The following DLG2 variants were observed in gnomAD, a reference collection of about 807,000 sequenced individuals.
DLG2 encodes the protein discs large MAGUK scaffold protein 2, also known as disks large homolog 2.
In DLG2, 45 loss-of-function variants were observed where a neutral mutation model predicts 132.5. The ratio of observed to expected loss-of-function variants is 0.34; its 90% confidence interval spans 0.27 to 0.44. DLG2 has a LOEUF of 0.44. DLG2 is among the 20% of genes least tolerant of loss of function. The pLI is 1.00. For missense variants in DLG2, 1,045 were observed against 1,196.9 expected (o/e 0.87, Z 1.87); for synonymous variants, 424 against 419.6 (o/e 1.01, Z -0.13).
chr11:85,542,948 T>C (rs931158626), intron 3 of DLG2, among the ~76,000 whole-genome samples: 1 of 152,238 alleles, frequency 6.6e-6, no homozygotes, highest in Non-Finnish European at 1.5e-5. Flanking sequence ...TTACTATTTC[T>C]AGGTAATACT....
chr11:84,992,542 C>T (rs1400186294), intron 6 of DLG2, among the ~76,000 whole-genome samples: 1 of 152,160 alleles, frequency 6.6e-6, no homozygotes, highest in African/African-American at 2.4e-5. Flanking sequence ...AAAAGTGGCA[C>T]TTCATCAGCA....
chr11:85,519,537 C>T (rs545279402), intron 3 of DLG2, among the ~76,000 whole-genome samples: 65 of 152,266 alleles, frequency 4.3e-4, no homozygotes, highest in African/African-American at 1.6e-3. Context: ...AACTAGCTTG[C>T]TTTTGATTTT....
In DLG2 at chr11:85,588,413, C is replaced by T. The variant is rs368571796; in HGVS notation, c.40+10244G>A. Among the ~76,000 whole-genome samples, 4 of 152,062 alleles carry T rather than the reference C, an allele frequency of 2.6e-5. 1 individual carries two copies. The highest frequency in any genetic ancestry group is 1.3e-4 in the Admixed American group (2 of 15,260). On this transcript the variant is annotated intron_variant, in intron 3 of 27. Coordinates refer to ENST00000376104, the MANE Select transcript of DLG2 (RefSeq NM_001142699.3). ...TTGTCTTTTTTGGATTAGGTTACTT[C>T]GAAAGCCTTGTCTTCAAGCTCTGAC...
intron 7 of DLG2, among the ~76,000 whole-genome samples, chr11:84,512,805 C>A (rs1591283935): frequency 6.6e-6 from 1 of 151,984 alleles, no homozygotes; most frequent in East Asian, 1.9e-4. Context: ...TACTACACAG[C>A]CATAAAAAAG....
intron 21 of DLG2, among the ~76,000 whole-genome samples, chr11:83,528,857 A>G (rs1243398435): frequency 6.6e-6 from 1 of 152,260 alleles, no homozygotes; most frequent in Non-Finnish European, 1.5e-5. Flanking sequence ...GGTGTTTTGC[A>G]GCACTCGGTG....
chr11:83,526,867 A>G (rs1486898264), intron 21 of DLG2, among the ~76,000 whole-genome samples: 1 of 152,082 alleles, frequency 6.6e-6, no homozygotes, highest in Non-Finnish European at 1.5e-5. Flanking sequence ...CTGCACTGAA[A>G]ACGTGTTTTC....
chr11:84,472,323 A>G (rs2099110600), intron 7 of DLG2, among the ~76,000 whole-genome samples: 1 of 151,950 alleles, frequency 6.6e-6, no homozygotes, highest in Admixed American at 6.6e-5. Context: ...AATGCTTTTC[A>G]AGTTCACATG....
At chr11:83,658,350 TGA>T (rs2073300687) in intron 18 of DLG2, among the ~76,000 whole-genome samples, 2 of 152,196 alleles carry the variant, frequency 1.3e-5, no homozygotes, top group Admixed American at 6.5e-5. Flanking sequence ...AACAGATAGA[TGA>T]GAGAAGAAAA....
chr11:83,961,778 G>C (rs1316249090), intron 14 of DLG2, among the ~76,000 whole-genome samples: 1 of 151,988 alleles, frequency 6.6e-6, no homozygotes, highest in Non-Finnish European at 1.5e-5. Flanking sequence ...TCCTTAGAGA[G>C]CCGTGAGGAT....
intron 6 of DLG2, among the ~76,000 whole-genome samples, chr11:85,014,092 C>G (rs1001292106): frequency 6.6e-6 from 1 of 152,052 alleles, no homozygotes; most frequent in African/African-American, 2.4e-5. Flanking sequence ...ACAAGGATAT[C>G]AACAATAAAA....
In DLG2 at chr11:85,291,670, C is replaced by T. The variant is rs188622784; in HGVS notation, c.41-6305G>A. On this transcript the variant is annotated intron_variant, in intron 3 of 27. Transcript: ENST00000376104. ...TGCAATCTCGGCTCACTGCAATCTC[C>T]GCCTCCAGGGTTCAAGCGATTATCC... 5.1e-4 allele frequency among the ~76,000 whole-genome samples: 77 copies of T among 150,728 alleles called. 1 individual carries two copies. The highest frequency in any genetic ancestry group is 1.4e-3 in the African/African-American group (59 of 41,072).
chr11:85,025,630 G>A (rs537407519), intron 6 of DLG2, among the ~76,000 whole-genome samples: 93 of 152,192 alleles, frequency 6.1e-4, no homozygotes, highest in Non-Finnish European at 1.1e-3. Flanking sequence ...AATTAGAATT[G>A]CAAAAAATGT....
At position 84,517,694 on chromosome 11, in the gene DLG2, C is replaced by T. The variant is rs1296226100; in HGVS notation, c.519+16876G>A. Among the ~76,000 whole-genome samples, 3 of 152,112 alleles carry T rather than the reference C, an allele frequency of 2.0e-5. No homozygotes were observed. The East Asian group carries it at 5.8e-4, about 29-fold the overall frequency. ...AGTCAGTATGTTGAAGATATAGCTG[C>T]ACTCCCATGTATGTTGCAGCCTTAT... On this transcript the variant is annotated intron_variant, in intron 7 of 27. Coordinates refer to ENST00000376104, the MANE Select transcript of DLG2 (RefSeq NM_001142699.3).
At chr11:85,375,158 A>C (rs1365336775) in intron 3 of DLG2, among the ~76,000 whole-genome samples, 1 of 151,134 alleles carries the variant, frequency 6.6e-6, no homozygotes, top group Non-Finnish European at 1.5e-5. Context: ...CTCTAGTTGT[A>C]ATGATACTGG....
chr11:85,517,744 C>T (rs962456708), intron 3 of DLG2, among the ~76,000 whole-genome samples: 2 of 152,082 alleles, frequency 1.3e-5, no homozygotes, highest in African/African-American at 4.8e-5. Context: ...GTACTACAGG[C>T]ACATGCCACC....
At chr11:85,360,499 C>G (rs1489325419) in intron 3 of DLG2, among the ~76,000 whole-genome samples, 1 of 152,126 alleles carries the variant, frequency 6.6e-6, no homozygotes, top group Non-Finnish European at 1.5e-5. Context: ...CTTCTACAAC[C>G]CAGTTCATCC....
At chr11:84,442,883 G>C (rs1009618473) in intron 7 of DLG2, among the ~76,000 whole-genome samples, 1 of 151,998 alleles carries the variant, frequency 6.6e-6, no homozygotes, top group African/African-American at 2.4e-5. Context: ...AAAAAGCAAA[G>C]CAAAGGAATA....
chr11:84,435,843 T>C (rs1426705696), intron 7 of DLG2, among the ~76,000 whole-genome samples: 1 of 152,096 alleles, frequency 6.6e-6, no homozygotes, highest in Admixed American at 6.5e-5. Flanking sequence ...TTGAAATAAG[T>C]GCTTCTGGGA....
intron 7 of DLG2, among the ~76,000 whole-genome samples, chr11:84,452,140 G>T (rs1438828109): frequency 6.6e-6 from 1 of 151,338 alleles, no homozygotes; most frequent in Non-Finnish European, 1.5e-5. Context: ...AGAAGGAGGA[G>T]GAGGAGATGA....
Sources: allele counts gnomAD v4.1 joint callset (sites outside exome capture counted in the v4.1 genomes callset), GRCh38; gene constraint gnomAD v4.1.1; transcripts MANE v1.5; gene names NCBI Gene and HGNC (gene_info 2026-07-23, HGNC 2026-07-21).